PLEKHM3: variants seen among roughly 807,000 people sequenced by gnomAD.
The protein encoded by PLEKHM3 is pleckstrin homology domain-containing family M member 3.
Under a neutral mutation model 81.8 loss-of-function variants are expected in PLEKHM3, and 45 were observed. That is an observed-to-expected ratio of 0.55 (90% CI 0.43 to 0.71). The LOEUF is 0.71. Ranked by LOEUF, PLEKHM3 falls within the 30% of genes least tolerant of loss-of-function variation. The probability of loss-of-function intolerance (pLI) is 0.00; values close to 1 mark genes in which losing one functional copy is unlikely to be tolerated. For missense variants in PLEKHM3, 788 were observed against 924.3 expected (o/e 0.85, Z 1.91); for synonymous variants, 352 against 356.4 (o/e 0.99, Z 0.14).
At position 207,825,484 on chromosome 2, in the gene PLEKHM3, A is replaced by G. The variant is rs1370347213; in HGVS notation, c.*2835T>C. 1 of 152,250 alleles carries G rather than the reference A, an allele frequency of 6.6e-6. No individual in the cohort carries two copies. Among genetic ancestry groups the G allele is most frequent in the Non-Finnish European group, 1.5e-5 (1 of 68,046 alleles). The allele number at this position is 152,250 out of a possible 1,614,324, so 9.4% of individuals were successfully genotyped here. ...TTTGGTCTGAAAGAGGTGGTAATCC[A>G]CAGATTTGCTTTTGTTTCGACAGTT... On this transcript the variant is annotated 3_prime_UTR_variant, in exon 8 of 8. Transcript: ENST00000427836.
intron 7 of PLEKHM3, among the ~76,000 whole-genome samples, chr2:207,853,500 G>A (rs1241794958): frequency 3.9e-5 from 6 of 151,946 alleles, no homozygotes; most frequent in Non-Finnish European, 5.9e-5. Flanking sequence ...TTGGGAGGCT[G>A]AGGTGGGTGG....
At chr2:207,962,547 C>T (rs550779469) in intron 3 of PLEKHM3, among the ~76,000 whole-genome samples, 5 of 152,306 alleles carry the variant, frequency 3.3e-5, no homozygotes, top group Non-Finnish European at 4.4e-5. Context: ...AAACCTGAGG[C>T]GGGGTAGGAA....
At chr2:207,974,092 C>T (rs1691220023) in intron 3 of PLEKHM3, among the ~76,000 whole-genome samples, 1 of 152,184 alleles carries the variant, frequency 6.6e-6, no homozygotes, top group African/African-American at 2.4e-5. Flanking sequence ...CTCCACAAGC[C>T]AAATTTCGTG....
chr2:207,947,738 T>A (rs554182291), intron 3 of PLEKHM3, among the ~76,000 whole-genome samples: 19 of 152,354 alleles, frequency 1.2e-4, no homozygotes, highest in African/African-American at 4.6e-4. Context: ...CTACGACAAC[T>A]ACTACTAGTA....
intron 5 of PLEKHM3, among the ~76,000 whole-genome samples, chr2:207,920,217 G>C (rs549945130): frequency 1.3e-5 from 2 of 152,296 alleles, no homozygotes; most frequent in East Asian, 3.9e-4. Flanking sequence ...AATGGTCTAA[G>C]TCAAGGACTA....
intron 7 of PLEKHM3, among the ~76,000 whole-genome samples, chr2:207,847,565 G>A (rs114960764): frequency 0.018 from 2,698 of 152,206 alleles, 40 homozygotes; most frequent in Non-Finnish European, 0.026. Flanking sequence ...ATGTCTAAAG[G>A]GTCCCCACAG....
At chr2:207,902,135 T>C (rs1688451311) in intron 6 of PLEKHM3, among the ~76,000 whole-genome samples, 1 of 152,188 alleles carries the variant, frequency 6.6e-6, no homozygotes, top group South Asian at 2.1e-4. Context: ...AGGCGCTGTG[T>C]TCCTGTGAGC....
chr2:207,859,136 CTT>C (rs371493664), intron 7 of PLEKHM3, among the ~76,000 whole-genome samples: 11 of 118,376 alleles, frequency 9.3e-5, no homozygotes, highest in South Asian at 2.8e-4. Context: ...TTTTCTTTTT[CTT>C]TTTTTTTTTT....
At chr2:207,988,458 C>T (rs1380575381) in intron 2 of PLEKHM3, among the ~76,000 whole-genome samples, 2 of 152,196 alleles carry the variant, frequency 1.3e-5, no homozygotes, top group Non-Finnish European at 2.9e-5. Context: ...TAGGACAATG[C>T]CTGACACTAT....
chr2:207,829,710 G>T (rs1285906680), intron 7 of PLEKHM3, among the ~76,000 whole-genome samples: 2 of 152,112 alleles, frequency 1.3e-5, no homozygotes, highest in Non-Finnish European at 2.9e-5. Flanking sequence ...AGGAGCCCAG[G>T]GAATTGCACC....
chr2:208,002,592 G>A (rs1415238751), intron 1 of PLEKHM3, among the ~76,000 whole-genome samples: 1 of 152,110 alleles, frequency 6.6e-6, no homozygotes, highest in Non-Finnish European at 1.5e-5. Flanking sequence ...CAGTCTGCAG[G>A]GTGTCTAAGA....
At chr2:208,004,676 A>G (rs1285561596) in intron 1 of PLEKHM3, among the ~76,000 whole-genome samples, 1 of 152,072 alleles carries the variant, frequency 6.6e-6, no homozygotes, top group East Asian at 1.9e-4. Flanking sequence ...CAGATACCCC[A>G]ACATGGACAA....
chr2:207,953,311 A>G (rs1690396376), intron 3 of PLEKHM3, among the ~76,000 whole-genome samples: 1 of 152,254 alleles, frequency 6.6e-6, no homozygotes, highest in Admixed American at 6.5e-5. Context: ...GGGAGGAAAT[A>G]CACATGCTCA....
Position 207,930,996 on chromosome 2 carries a change from G to A in PLEKHM3, c.1816C>T (p.Gln606Ter). The change falls in exon 5 of 8, where the codon CAG (glutamine) becomes TAG (stop). Residue 606 changes from glutamine to a stop codon, truncating the protein, a stop_gained. Transcript: ENST00000427836. LOFTEE classifies it high-confidence loss of function. ...EPLAAVLRLR[Q>*]RLKSLRAYLF... ...TAGGCTCGGAGCGACTTCAGCCGCT[G>A]CCGCAGCCGCAGCACGGCGGCCAGC... is the stretch of plus-strand genomic sequence containing the variant. 1 of 1,613,762 alleles carries A rather than the reference G, an allele frequency of 6.2e-7. No individual in the cohort carries two copies. Among genetic ancestry groups the A allele is most frequent in the Non-Finnish European group, 8.5e-7 (1 of 1,179,768 alleles).
intron 7 of PLEKHM3, among the ~76,000 whole-genome samples, chr2:207,840,330 A>G (rs1363103553): frequency 6.6e-6 from 1 of 152,106 alleles, no homozygotes. Context: ...AGCTAGGACT[A>G]CAAGTGTGTG....
chr2:207,861,174 T>C lies in PLEKHM3; in HGVS notation c.2039A>G (p.Lys680Arg), dbSNP rs1207707986. Residue 680 changes from lysine (K) to arginine (R), a missense_variant, in exon 7 of 8, where the codon AAG becomes AGG. Coordinates refer to ENST00000427836, the MANE Select transcript of PLEKHM3 (RefSeq NM_001080475.3). ...HVYSCSLCSQ[K>R]GFICEICNNG... ...GTTACAGATTTCACAGATGAACCCC[T>C]TCTGGCTACAAAGACTGCAGCTGTA... 6.2e-7 allele frequency: 1 copy of C among 1,614,060 alleles called. No homozygotes were observed. Among genetic ancestry groups the C allele is most frequent in the Non-Finnish European group, 8.5e-7 (1 of 1,180,008 alleles).
intron 3 of PLEKHM3, among the ~76,000 whole-genome samples, chr2:207,971,461 T>A (rs973903527): frequency 6.6e-6 from 1 of 151,996 alleles, no homozygotes; most frequent in Non-Finnish European, 1.5e-5. Context: ...TTTGAGATAA[T>A]GGATATGCTA....
intron 2 of PLEKHM3, among the ~76,000 whole-genome samples, chr2:207,980,883 C>G (rs965468952): frequency 1.3e-5 from 2 of 152,036 alleles, no homozygotes; most frequent in African/African-American, 4.8e-5. Context: ...AATCCCAGCA[C>G]TTTGGGAGGC....
intron 5 of PLEKHM3, among the ~76,000 whole-genome samples, chr2:207,923,905 A>ATATATATATATATATTTTTT (rs1396762429): frequency 3.5e-5 from 1 of 28,342 alleles, no homozygotes; most frequent in Non-Finnish European, 6.4e-5. Flanking sequence ...ATATATATAT[A>ATATATATATATATATTTTTT]TTTTTTTTTT....
Sources: gnomAD v4.1 joint callset for allele counts (sites outside exome capture counted in the v4.1 genomes callset) on GRCh38, gnomAD v4.1.1 for gene constraint, MANE v1.5 for transcripts, NCBI Gene and HGNC (gene_info 2026-07-23, HGNC 2026-07-21) for gene names.